ITGA1: variants seen among roughly 807,000 people sequenced by gnomAD.
ITGA1 encodes integrin subunit alpha 1, also known as integrin alpha-1.
ITGA1 carries 85 observed loss-of-function variants against 145.9 expected under a neutral mutation model. The observed-to-expected ratio is 0.58, with a 90% CI of 0.49 to 0.70. The LOEUF (loss-of-function observed/expected upper bound fraction) is 0.70. ITGA1 is among the 30% of genes least tolerant of loss of function. ITGA1 has a pLI of 0.00. For missense variants in ITGA1, 1,351 were observed against 1,418.7 expected, an observed-to-expected ratio of 0.95 and a Z score of 0.77; for synonymous variants, 520 against 495.3, an observed-to-expected ratio of 1.05 and a Z score of -0.66.
rs551136388 is a variant in ITGA1 at position 52,911,581 on chromosome 5, T to C, written c.1857+1162T>C. ...GTGTATCTACTATATATACTATATA[T>C]ATAGTGTATCTACTATATATACTAT... On this transcript the variant is annotated intron_variant, in intron 14 of 28. Transcript: ENST00000282588. 8.1e-4 allele frequency among the ~76,000 whole-genome samples: 58 copies of C among 71,254 alleles called. 1 individual carries two copies. The highest frequency in any genetic ancestry group is 1.1e-3 in the Non-Finnish European group (37 of 33,260). The allele number at this position is 71,254 out of a possible 152,430, so 46.7% of individuals were successfully genotyped here.
At chr5:52,940,157 G>A (rs1416062534) in intron 26 of ITGA1, among the ~76,000 whole-genome samples, 1 of 152,042 alleles carries the variant, frequency 6.6e-6, no homozygotes, top group Non-Finnish European at 1.5e-5. Context: ...GGTCCCCTCT[G>A]GAGAGATATA....
Position 52,932,072 on chromosome 5 carries a change from C to A in ITGA1, c.2797C>A (p.Leu933Ile), listed in dbSNP as rs1316440749. 55 of 1,609,438 alleles carry A rather than the reference C, an allele frequency of 3.4e-5. No individual in the cohort carries two copies. Among genetic ancestry groups the A allele is most frequent in the Non-Finnish European group, 4.4e-5 (52 of 1,176,252 alleles). ...TGACAGCGAAGAACCTCCTGAAACC[C>A]TTTCTGATAATGTAGTAAACATTTC... is the stretch of plus-strand genomic sequence containing the variant. ...TSDSEEPPET[L>I]SDNVVNISIP... Residue 933 changes from leucine to isoleucine, a missense_variant, in exon 22 of 29, where the codon CTT (leucine) becomes ATT (isoleucine). By Grantham distance (5) the Leu-to-Ile change is conservative. Transcript: ENST00000282588.
chr5:52,938,238 C>T (rs569944199), intron 24 of ITGA1, among the ~76,000 whole-genome samples: 187 of 152,258 alleles, frequency 1.2e-3, no homozygotes, highest in African/African-American at 4.4e-3. Flanking sequence ...TAAGCATGCA[C>T]AGCTGCAAAC....
chr5:52,949,951 C>T (rs1299951947), intron 28 of ITGA1, among the ~76,000 whole-genome samples: 2 of 152,194 alleles, frequency 1.3e-5, no homozygotes, highest in Non-Finnish European at 2.9e-5. Context: ...TTCATTGGAA[C>T]TCCCAAGTCT....
intron 15 of ITGA1, 112 bp downstream of exon 15, chr5:52,915,706 T>C: frequency 7.7e-7 from 1 of 1,304,664 alleles, no homozygotes; most frequent in Non-Finnish European, 1.1e-6. Flanking sequence ...TGTTCCACTA[T>C]GCAAATACAA....
intron 26 of ITGA1, among the ~76,000 whole-genome samples, chr5:52,942,519 T>G (rs1373909429): frequency 6.7e-6 from 1 of 149,816 alleles, no homozygotes; most frequent in Non-Finnish European, 1.5e-5. Flanking sequence ...TTTTTGTAGC[T>G]TCTGTAAATG....
At chr5:52,903,907 A>G (rs964750978) in intron 11 of ITGA1, 5 of 152,230 alleles carry the variant, frequency 3.3e-5, no homozygotes, top group Non-Finnish European at 7.3e-5. Context: ...GATCTCTTAA[A>G]ATGGTTTACT....
chr5:52,942,161 T>C (rs2406371), intron 26 of ITGA1, among the ~76,000 whole-genome samples: 48,999 of 152,050 alleles, frequency 0.32, 8,158 homozygotes, highest in East Asian at 0.51. Flanking sequence ...AGTATCATAC[T>C]GTTTTGATTA....
At chr5:52,874,429 T>C (rs1457693344) in intron 6 of ITGA1, among the ~76,000 whole-genome samples, 1 of 71,598 alleles carries the variant, frequency 1.4e-5, no homozygotes, top group African/African-American at 3.8e-5. Context: ...ATATTCAAGC[T>C]GTAGCAGAAA....
At chr5:52,823,275 G>A (rs1245951014) in intron 1 of ITGA1, among the ~76,000 whole-genome samples, 1 of 152,140 alleles carries the variant, frequency 6.6e-6, no homozygotes, top group East Asian at 1.9e-4. Flanking sequence ...TACGATATTG[G>A]CTCACTGCAA....
intron 1 of ITGA1, among the ~76,000 whole-genome samples, chr5:52,840,151 C>A (rs1299103001): frequency 6.6e-6 from 1 of 152,160 alleles, no homozygotes; most frequent in African/African-American, 2.4e-5. Context: ...CAATATCTTA[C>A]TGAGAAAAAG....
At chr5:52,939,012 C>T (rs567199033) in intron 24 of ITGA1, among the ~76,000 whole-genome samples, 22 of 152,202 alleles carry the variant, frequency 1.4e-4, no homozygotes, top group African/African-American at 5.1e-4. Flanking sequence ...AAATGATTCT[C>T]CTGCCTCAGA....
At chr5:52,811,002 T>C (rs1748676226) in intron 1 of ITGA1, among the ~76,000 whole-genome samples, 1 of 152,218 alleles carries the variant, frequency 6.6e-6, no homozygotes, top group African/African-American at 2.4e-5. Context: ...ATTGTGAGGA[T>C]CAATAAAGTA....
At position 52,794,500 on chromosome 5, in the gene ITGA1, TACACACACACACACACAC is replaced by T. The variant is rs56996823; in HGVS notation, c.61+6105_61+6122del. Among the ~76,000 whole-genome samples, 9 of 141,914 alleles carry T rather than the reference TACACACACACACACACAC, an allele frequency of 6.3e-5. No homozygotes were observed. In the South Asian group the frequency reaches 1.6e-3, roughly 25 times the overall value. 93.1% of individuals were successfully genotyped at this position (141,914 alleles called of 152,430 possible). ...GTATAAGAATACATGCAAATAGAAA[TACACACACACACACACAC>T]ACACACACACACACACACTTCTGTT... is the stretch of plus-strand genomic sequence containing the variant. On this transcript the variant is annotated intron_variant, in intron 1 of 28. Transcript: ENST00000282588.
At chr5:52,948,209 T>C (rs1579736645) in intron 28 of ITGA1, among the ~76,000 whole-genome samples, 1 of 152,194 alleles carries the variant, frequency 6.6e-6, no homozygotes, top group Non-Finnish European at 1.5e-5. Flanking sequence ...TTGGGATAAG[T>C]TGAATAGAGA....
At chr5:52,922,162 G>A (rs1449879820) in intron 17 of ITGA1, among the ~76,000 whole-genome samples, 5 of 149,662 alleles carry the variant, frequency 3.3e-5, no homozygotes, top group Non-Finnish European at 7.4e-5. Flanking sequence ...TTAGCTGGGT[G>A]TGGTGGCACA....
At chr5:52,926,738 A>G (rs1750817845) in intron 19 of ITGA1, among the ~76,000 whole-genome samples, 1 of 152,106 alleles carries the variant, frequency 6.6e-6, no homozygotes, top group South Asian at 2.1e-4. Flanking sequence ...ATGGCCTGGC[A>G]GAGAGGCATA....
chr5:52,877,582 C>T (rs1749887342), intron 6 of ITGA1, among the ~76,000 whole-genome samples: 1 of 152,196 alleles, frequency 6.6e-6, no homozygotes, highest in Non-Finnish European at 1.5e-5. Context: ...CTAGAAAGTT[C>T]TGCATACACC....
intron 28 of ITGA1, 93 bp from the exon 29 acceptor site, chr5:52,952,314 A>ATATAC: frequency 1.6e-6 from 1 of 606,486 alleles, no homozygotes. Context: ...AGCATTGCCA[A>ATATAC]TATACTATTA....
Sources: allele counts gnomAD v4.1 joint callset (sites outside exome capture counted in the v4.1 genomes callset), GRCh38; gene constraint gnomAD v4.1.1; transcripts MANE v1.5; gene names NCBI Gene and HGNC (gene_info 2026-07-23, HGNC 2026-07-21).